The following HCRTR2 variants were observed in gnomAD, a reference collection of about 807,000 sequenced individuals.
HCRTR2 encodes orexin receptor type 2.
Under a neutral mutation model 49.0 loss-of-function variants are expected in HCRTR2, and 22 were observed. The ratio of observed to expected loss-of-function variants is 0.45; its 90% CI spans 0.32 to 0.64. HCRTR2 has a LOEUF of 0.64. HCRTR2 is among the 30% of genes least tolerant of loss of function. The pLI is 0.04. For synonymous variants in HCRTR2, 236 were observed against 205.3 expected (o/e 1.15, Z -1.28); for missense variants, 491 against 559.4 (o/e 0.88, Z 1.23).
At chr6:55,261,248 A>G (rs942946085) in intron 3 of HCRTR2, among the ~76,000 whole-genome samples, 2 of 152,172 alleles carry the variant, frequency 1.3e-5, no homozygotes, top group African/African-American at 2.4e-5. Flanking sequence ...GGAAGAAAAA[A>G]TGCAAACAAT....
intron 1 of HCRTR2, among the ~76,000 whole-genome samples, chr6:55,235,323 G>A (rs1206469264): frequency 6.6e-6 from 1 of 152,076 alleles, no homozygotes; most frequent in African/African-American, 2.4e-5. Context: ...TTTTATACAT[G>A]TGTGATAATT....
At chr6:55,139,165 T>C (rs1363194436) in intron 1 of HCRTR2, among the ~76,000 whole-genome samples, 2 of 152,104 alleles carry the variant, frequency 1.3e-5, no homozygotes, top group Non-Finnish European at 1.5e-5. Context: ...TAAAGAAGGG[T>C]TCCAAACATA....
At chr6:55,223,422 A>C (rs1326138625) in intron 1 of HCRTR2, among the ~76,000 whole-genome samples, 1 of 152,218 alleles carries the variant, frequency 6.6e-6, no homozygotes, top group East Asian at 1.9e-4. Context: ...CATCGCTTTT[A>C]AAACATCCTG....
chr6:55,112,081 C>G (rs942968260), intron 1 of HCRTR2, among the ~76,000 whole-genome samples: 4 of 151,974 alleles, frequency 2.6e-5, no homozygotes, highest in Admixed American at 2.6e-4. Context: ...AAGCATTTGA[C>G]AAAATTCAGC....
chr6:55,176,370 G>A (rs560810471), intron 1 of HCRTR2, among the ~76,000 whole-genome samples: 2 of 152,228 alleles, frequency 1.3e-5, no homozygotes, highest in South Asian at 4.1e-4. Flanking sequence ...CACAAGATTA[G>A]GATTCTTGTT....
intron 1 of HCRTR2, among the ~76,000 whole-genome samples, chr6:55,180,255 T>C (rs1267991949): frequency 2.6e-5 from 4 of 152,238 alleles, no homozygotes; most frequent in African/African-American, 9.6e-5. Context: ...ATAGCAGCAC[T>C]AGGTTTCAAA....
chr6:55,259,118 T>C (rs1766707184), intron 3 of HCRTR2, among the ~76,000 whole-genome samples: 1 of 152,110 alleles, frequency 6.6e-6, no homozygotes, highest in Non-Finnish European at 1.5e-5. Context: ...TATTCATTCA[T>C]CCAGTGTTTA....
chr6:55,179,502 CT>C (rs1405089951), intron 1 of HCRTR2, among the ~76,000 whole-genome samples: 1 of 152,078 alleles, frequency 6.6e-6, no homozygotes, highest in Non-Finnish European at 1.5e-5. Context: ...ATATCTTTGA[CT>C]TAAAATCCCA....
intron 1 of HCRTR2, among the ~76,000 whole-genome samples, chr6:55,122,792 A>T (rs1409407815): frequency 6.6e-6 from 1 of 152,066 alleles, no homozygotes. Flanking sequence ...CAGCCATAAA[A>T]AATGATGAGT....
rs543649295 is a variant in HCRTR2, at chr6:55,243,846, G to C, written c.224-4793G>C. 1.1e-3 allele frequency among the ~76,000 whole-genome samples: 172 copies of C among 152,092 alleles called. 1 individual carries two copies. The highest frequency in any genetic ancestry group is 2.1e-3 in the Non-Finnish European group (146 of 67,946). ...TAGAATGCAATTTATGGCCATGAAG[G>C]GTACAACATGTGATTGGGTATCAAA... On this transcript the variant is annotated intron_variant, in intron 1 of 6. Coordinates refer to ENST00000370862, the MANE Select transcript of HCRTR2 (RefSeq NM_001384272.1).
chr6:55,274,055 T>G (rs1767025837), intron 4 of HCRTR2, among the ~76,000 whole-genome samples: 1 of 151,486 alleles, frequency 6.6e-6, no homozygotes, highest in Admixed American at 6.6e-5. Flanking sequence ...AAATTAAAAT[T>G]AGTACTTTCA....
intron 1 of HCRTR2, among the ~76,000 whole-genome samples, chr6:55,195,446 T>A (rs1203501872): frequency 2.6e-5 from 4 of 152,168 alleles, no homozygotes; most frequent in Non-Finnish European, 4.4e-5. Flanking sequence ...AGAAAGAAAG[T>A]AAGAAGGAAT....
intron 1 of HCRTR2, among the ~76,000 whole-genome samples, chr6:55,166,874 A>G (rs1223873808): frequency 1.3e-5 from 2 of 152,208 alleles, no homozygotes; most frequent in African/African-American, 4.8e-5. Flanking sequence ...CCACAAAAAT[A>G]ATAAAGTACG....
chr6:55,111,239 T>C (rs1301644985), intron 1 of HCRTR2, among the ~76,000 whole-genome samples: 3 of 151,668 alleles, frequency 2.0e-5, no homozygotes, highest in Non-Finnish European at 2.9e-5. Flanking sequence ...AAATAGACAA[T>C]CTAAGGTTAC....
In HCRTR2 at chr6:55,271,626, T is replaced by C. The variant is rs548757349; in HGVS notation, c.763-5754T>C. Among the ~76,000 whole-genome samples the C allele has an allele frequency of 4.6e-5, 7 of 152,168 alleles. No individual in the cohort carries two copies. In the South Asian group the frequency reaches 1.4e-3, roughly 32 times the overall value. The stretch of plus-strand genomic sequence containing the variant: ...TATAAATGCAGAAAATATTTGCAAA[T>C]CATATATGTGTTAAGGAATTTGTAT... On this transcript the variant is annotated intron_variant, in intron 4 of 6. Coordinates refer to ENST00000370862, the MANE Select transcript of HCRTR2 (RefSeq NM_001384272.1).
At chr6:55,214,504 AT>A (rs1180616599) in intron 1 of HCRTR2, among the ~76,000 whole-genome samples, 1 of 151,460 alleles carries the variant, frequency 6.6e-6, no homozygotes, top group Non-Finnish European at 1.5e-5. Flanking sequence ...ATTAATTTTT[AT>A]TTTTTTATTT....
intron 1 of HCRTR2, among the ~76,000 whole-genome samples, chr6:55,161,850 C>A (rs1764810224): frequency 6.6e-6 from 1 of 151,904 alleles, no homozygotes; most frequent in Admixed American, 6.6e-5. Flanking sequence ...AATAGCGTTC[C>A]AATGAAAAAA....
intron 1 of HCRTR2, among the ~76,000 whole-genome samples, chr6:55,166,071 T>C (rs1764874134): frequency 6.6e-6 from 1 of 152,036 alleles, no homozygotes. Flanking sequence ...TTTCTGTGTC[T>C]TTTGAGATGA....
chr6:55,270,694 G>A (rs962095739), intron 4 of HCRTR2, among the ~76,000 whole-genome samples: 2 of 152,100 alleles, frequency 1.3e-5, no homozygotes, highest in African/African-American at 4.8e-5. Flanking sequence ...TTTGTATTGG[G>A]TGTTTATAAA....
Sources: allele counts gnomAD v4.1 joint callset (sites outside exome capture counted in the v4.1 genomes callset), GRCh38; gene constraint gnomAD v4.1.1; transcripts MANE v1.5; gene names NCBI Gene and HGNC (gene_info 2026-07-23, HGNC 2026-07-21).